Variants in RNF214 observed in about 807,000 individuals in gnomAD.
The protein encoded by RNF214 is ring finger protein 214.
A neutral mutation model predicts 75.9 loss-of-function variants in RNF214; 25 were observed. That is an observed-to-expected ratio of 0.33 (90% CI 0.24 to 0.46). The LOEUF (loss-of-function observed/expected upper bound fraction) is 0.46. Ranked by LOEUF, RNF214 falls within the 20% of genes least tolerant of loss-of-function variation. The probability of loss-of-function intolerance (pLI) is 1.00; values close to 1 mark genes in which losing one functional copy is unlikely to be tolerated. For missense variants in RNF214, 725 were observed against 857.5 expected (o/e 0.85, Z 1.93); for synonymous variants, 314 against 308.8 (o/e 1.02, Z -0.18).
chr11:117,253,047 CT>C (rs1484433787), intron 6 of RNF214, among the ~76,000 whole-genome samples: 1 of 152,172 alleles, frequency 6.6e-6, no homozygotes, highest in Non-Finnish European at 1.5e-5. Context: ...GGATCTCACT[CT>C]GTTGGCCCAG....
At chr11:117,237,080 G>T (rs946224208) in intron 2 of RNF214, among the ~76,000 whole-genome samples, 1 of 152,120 alleles carries the variant, frequency 6.6e-6, no homozygotes, top group African/African-American at 2.4e-5. Flanking sequence ...AGCTTCGAGT[G>T]TTTTTATTAA....
chr11:117,274,356 CTTTTTTTTTTT>C (rs11461326), intron 6 of RNF214, among the ~76,000 whole-genome samples: 4 of 79,484 alleles, frequency 5.0e-5, no homozygotes, highest in South Asian at 5.6e-4. Flanking sequence ...CAAATGACTT[CTTTTTTTTTTT>C]TTTTTTTTTT....
At chr11:117,280,868 T>G (rs1481156314) in intron 8 of RNF214, among the ~76,000 whole-genome samples, 1 of 151,994 alleles carries the variant, frequency 6.6e-6, no homozygotes, top group Non-Finnish European at 1.5e-5. Context: ...GGAGTTAAAG[T>G]GAGGCAAAGG....
intron 6 of RNF214, among the ~76,000 whole-genome samples, chr11:117,260,702 A>G (rs1269833040): frequency 6.0e-5 from 4 of 66,988 alleles, no homozygotes; most frequent in Non-Finnish European, 1.3e-4. Context: ...CCCAGGCTGG[A>G]GTGCAATAAT....
At chr11:117,272,770 G>A (rs2033939623) in intron 6 of RNF214, among the ~76,000 whole-genome samples, 1 of 152,074 alleles carries the variant, frequency 6.6e-6, no homozygotes, top group South Asian at 2.1e-4. Flanking sequence ...AGAAAATAAG[G>A]AATATGACTA....
In RNF214 at chr11:117,286,224, T is replaced by C. The variant is rs551469937; in HGVS notation, c.*1073T>C. 6.5e-6 allele frequency: 1 copy of C among 152,706 alleles called. No homozygotes were observed. The highest frequency in any genetic ancestry group is 1.9e-4 in the East Asian group (1 of 5,186). 9.5% of individuals were successfully genotyped at this position (152,706 alleles called of 1,614,324 possible). ...GGGAAAAATGGAGACCAAAGTGATA[T>C]TAAGAAAGTAGTTTGGATTTCAAAT... On this transcript the variant is annotated 3_prime_UTR_variant, in exon 15 of 15. Transcript: ENST00000300650.
chr11:117,270,241 C>CTTTTTTTTTTTTTTTTTTTTTTT lies in RNF214; in HGVS notation c.960-9663_960-9641dup, dbSNP rs57144374. Among the ~76,000 whole-genome samples the CTTTTTTTTTTTTTTTTTTTTTTT allele has an allele frequency of 1.3e-4, 10 of 75,850 alleles. 1 individual carries two copies. Among genetic ancestry groups the CTTTTTTTTTTTTTTTTTTTTTTT allele is most frequent in the African/African-American group, 2.3e-4 (4 of 17,708 alleles). The allele number at this position is 75,850 out of a possible 152,430, so 49.8% of individuals were successfully genotyped here. A position where few individuals can be genotyped will look rare whatever the true frequency, so the allele number is the denominator to read the frequency against. The stretch of plus-strand genomic sequence containing the variant: ...TTTCAATTTTCTTTTCTTTTCTTTT[C>CTTTTTTTTTTTTTTTTTTTTTTT]TTTTTTTTTTTTTTTTTTTTTTTTT... On this transcript the variant is annotated intron_variant, in intron 6 of 14. Transcript: ENST00000300650.
intron 6 of RNF214, among the ~76,000 whole-genome samples, chr11:117,276,266 C>CA (rs1288012865): frequency 2.0e-5 from 3 of 152,102 alleles, no homozygotes; most frequent in Non-Finnish European, 4.4e-5. Context: ...ATGACAAACT[C>CA]ACAGCCACCA....
intron 2 of RNF214, among the ~76,000 whole-genome samples, chr11:117,234,855 G>A (rs1367927901): frequency 1.3e-5 from 2 of 152,184 alleles, no homozygotes; most frequent in East Asian, 3.9e-4. Flanking sequence ...CTGGAGATTG[G>A]TTCCAGGACC....
chr11:117,270,435 T>C (rs1363833618), intron 6 of RNF214, among the ~76,000 whole-genome samples: 1 of 151,744 alleles, frequency 6.6e-6, no homozygotes, highest in African/African-American at 2.4e-5. Flanking sequence ...TTTATTTACT[T>C]ATTTTAATTT....
At chr11:117,264,747 A>G (rs1047186162) in intron 6 of RNF214, among the ~76,000 whole-genome samples, 1 of 151,868 alleles carries the variant, frequency 6.6e-6, no homozygotes, top group Non-Finnish European at 1.5e-5. Flanking sequence ...CAGCCTTTCT[A>G]TGTTTCTGTA....
intron 6 of RNF214, among the ~76,000 whole-genome samples, chr11:117,269,429 A>G (rs1233383589): frequency 6.6e-6 from 1 of 152,014 alleles, no homozygotes; most frequent in East Asian, 1.9e-4. Flanking sequence ...TGGCATGATC[A>G]TGGCTCACCA....
chr11:117,278,330 C>T (rs1403756920), intron 6 of RNF214, among the ~76,000 whole-genome samples: 2 of 152,094 alleles, frequency 1.3e-5, no homozygotes, highest in Non-Finnish European at 2.9e-5. Context: ...TGTAACTCTT[C>T]CCAAGCTTTT....
intron 1 of RNF214, 30 bp from the exon 2 acceptor site, chr11:117,234,237 G>C (rs749556954): frequency 6.6e-7 from 1 of 1,519,238 alleles, no homozygotes; most frequent in African/African-American, 1.4e-5. Context: ...TTGGAAACTT[G>C]TAGCCTGTAA....
chr11:117,281,450 T>C, intron 9 of RNF214, 46 bp downstream of exon 9: 6 of 1,485,256 alleles, frequency 4.0e-6, no homozygotes, highest in Non-Finnish European at 4.7e-6. Flanking sequence ...TAGTCTGTGC[T>C]TAACACTTCC....
Position 117,283,062 on chromosome 11 carries a change from C to A in RNF214, c.1951-53C>A, listed in dbSNP as rs1299349920. The A allele has an allele frequency of 3.1e-6, 4 of 1,288,264 alleles. No homozygotes were observed. In the African/African-American group the frequency reaches 4.4e-5, roughly 14 times the overall value. The allele number at this position is 1,288,264 out of a possible 1,614,324, so 79.8% of individuals were successfully genotyped here. Reference sequence around the variant, plus strand: ...TGCATGGAATTATGGGCATAAAAGGCAAGGAGACCCAGAGGTTCCTTACCT... The same window carrying A: ...TGCATGGAATTATGGGCATAAAAGGAAAGGAGACCCAGAGGTTCCTTACCT... On this transcript the variant is annotated intron_variant, in intron 13 of 14. Transcript: ENST00000300650.
At chr11:117,261,659 T>C (rs1591830979) in intron 6 of RNF214, among the ~76,000 whole-genome samples, 1 of 152,198 alleles carries the variant, frequency 6.6e-6, no homozygotes, top group East Asian at 1.9e-4. Flanking sequence ...AATTTTTGTG[T>C]GAGTGTGACA....
intron 6 of RNF214, among the ~76,000 whole-genome samples, chr11:117,248,502 G>A (rs886714445): frequency 5.9e-5 from 9 of 152,158 alleles, no homozygotes; most frequent in South Asian, 2.1e-4. Flanking sequence ...TTGCTAATGC[G>A]TCAGACTGCT....
chr11:117,259,329 A>G (rs570043388), intron 6 of RNF214, among the ~76,000 whole-genome samples: 3 of 152,318 alleles, frequency 2.0e-5, no homozygotes, highest in Admixed American at 1.3e-4. Context: ...ATGATCATGT[A>G]GTAGTTTCCA....
Sources: gnomAD v4.1 joint callset for allele counts (sites outside exome capture counted in the v4.1 genomes callset) on GRCh38, gnomAD v4.1.1 for gene constraint, MANE v1.5 for transcripts, NCBI Gene and HGNC (gene_info 2026-07-23, HGNC 2026-07-21) for gene names.